TBC1D1: variants seen among roughly 807,000 people sequenced by gnomAD.
TBC1D1 encodes TBC1 domain family member 1, also known as TBC1 (tre-2/USP6, BUB2, cdc16) domain family, member 1.
Under a neutral mutation model 125.6 loss-of-function variants are expected in TBC1D1, and 89 were observed. The observed-to-expected ratio is 0.71, with a 90% confidence interval of 0.60 to 0.85. TBC1D1 has a LOEUF of 0.85. Ranked by LOEUF, TBC1D1 falls within the 40% of genes least tolerant of loss-of-function variation. TBC1D1 has a pLI of 0.00. For synonymous variants in TBC1D1, 565 were observed against 564.1 expected (o/e 1.00, Z -0.02); for missense variants, 1,377 against 1,469.2 (o/e 0.94, Z 1.03).
In TBC1D1 at chr4:38,045,812, T is replaced by C. The variant is rs1560682867; in HGVS notation, c.1543-5T>C. 2.5e-6 allele frequency: 4 copies of C among 1,613,510 alleles called. No homozygotes were observed. Among genetic ancestry groups the C allele is most frequent in the Non-Finnish European group, 3.4e-6 (4 of 1,179,444 alleles). Reference sequence around the variant, plus strand: ...TCATAACTCGACTGCCTTTTCTTTATGTAGGGTAATAAAGCCAGAGGCCTG... The same window carrying C: ...TCATAACTCGACTGCCTTTTCTTTACGTAGGGTAATAAAGCCAGAGGCCTG... On this transcript the variant is annotated splice_polypyrimidine_tract_variant and splice_region_variant and intron_variant, in intron 9 of 19. Transcript: ENST00000261439.
intron 7 of TBC1D1, among the ~76,000 whole-genome samples, chr4:38,031,652 TG>T (rs898514715): frequency 6.6e-5 from 10 of 151,608 alleles, no homozygotes; most frequent in Admixed American, 2.0e-4. Flanking sequence ...GGGCTCACTC[TG>T]TTACCCAGGC....
At chr4:37,939,242 A>G (rs1037956984) in intron 2 of TBC1D1, among the ~76,000 whole-genome samples, 2 of 152,156 alleles carry the variant, frequency 1.3e-5, no homozygotes, top group Admixed American at 6.5e-5. Flanking sequence ...ATGATATCTC[A>G]TTGTGGTTTT....
chr4:37,993,817 A>G (rs1447681471), intron 2 of TBC1D1, among the ~76,000 whole-genome samples: 1 of 152,184 alleles, frequency 6.6e-6, no homozygotes, highest in Non-Finnish European at 1.5e-5. Context: ...CCGGACCTCA[A>G]GTGATCCACC....
At chr4:38,056,807 C>T (rs557134530) in intron 12 of TBC1D1, among the ~76,000 whole-genome samples, 61 of 151,956 alleles carry the variant, frequency 4.0e-4, no homozygotes, top group Middle Eastern at 3.4e-3. Context: ...GACCTTGTCT[C>T]GCGGGGTGGG....
At chr4:37,903,851 A>C (rs185417589) in intron 2 of TBC1D1, among the ~76,000 whole-genome samples, 1 of 152,312 alleles carries the variant, frequency 6.6e-6, no homozygotes, top group African/African-American at 2.4e-5. Context: ...AGGGAGCCTA[A>C]CACACACCCA....
At chr4:37,944,483 C>T (rs571808607) in intron 2 of TBC1D1, among the ~76,000 whole-genome samples, 1 of 152,334 alleles carries the variant, frequency 6.6e-6, no homozygotes, top group East Asian at 1.9e-4. Context: ...TGGGCTCCAC[C>T]CAGTTCGAGC....
chr4:37,892,968 A>G (rs918771373), intron 1 of TBC1D1, among the ~76,000 whole-genome samples: 1 of 152,216 alleles, frequency 6.6e-6, no homozygotes, highest in African/African-American at 2.4e-5. Context: ...ATGCAGAGCC[A>G]GATGTGGGCG....
chr4:38,137,274 G>A lies in TBC1D1; in HGVS notation c.3446G>A (p.Arg1149Gln), dbSNP rs138981524. ...CAGACGGTGGAGGAGCTGCGGCGGCGGAGCGCAGAGCCCAGCGACCGGGAG... is the reference window on the plus strand; with the variant it reads ...CAGACGGTGGAGGAGCTGCGGCGGCAGAGCGCAGAGCCCAGCGACCGGGAG... Residue 1149 changes from arginine to glutamine, a missense_variant, in exon 20 of 20, where the codon CGG becomes CAG. Around this residue, in one of 3 missense-constraint regions of TBC1D1, gnomAD observed 543 missense variants for 613.5 expected, o/e 0.89. Coordinates refer to ENST00000261439, the MANE Select transcript of TBC1D1 (RefSeq NM_015173.4). The A allele has an allele frequency of 3.8e-5, 62 of 1,611,646 alleles. No homozygotes were observed. The highest frequency in any genetic ancestry group is 2.2e-4 in the Middle Eastern group (1 of 4,486).
At chr4:38,100,058 G>A (rs1056101662) in intron 14 of TBC1D1, among the ~76,000 whole-genome samples, 5 of 152,138 alleles carry the variant, frequency 3.3e-5, no homozygotes, top group African/African-American at 1.2e-4. Flanking sequence ...CATGCTGACT[G>A]TTTTCTAGCC....
intron 2 of TBC1D1, among the ~76,000 whole-genome samples, chr4:37,921,141 A>C (rs1385709039): frequency 6.8e-6 from 1 of 146,182 alleles, no homozygotes; most frequent in Non-Finnish European, 1.5e-5. Flanking sequence ...AAAAGAATGG[A>C]GACAAACGAC....
intron 12 of TBC1D1, among the ~76,000 whole-genome samples, chr4:38,071,429 CTT>C (rs888385135): frequency 6.6e-6 from 1 of 152,200 alleles, no homozygotes; most frequent in Non-Finnish European, 1.5e-5. Flanking sequence ...TTTTATATCT[CTT>C]TTTCGATATT....
rs7682421 is a variant in TBC1D1, at chr4:37,981,867, G to A, written c.418-32642G>A. The stretch of plus-strand genomic sequence containing the variant: ...ATGGAAGCAGAGGGACCACTTAGGA[G>A]GTGGTTTTGGTTCGGATAGGAGGTG... On this transcript the variant is annotated intron_variant, in intron 2 of 19. Coordinates refer to ENST00000261439, the MANE Select transcript of TBC1D1 (RefSeq NM_015173.4). Among the ~76,000 whole-genome samples, 1,016 of 152,278 alleles carry A rather than the reference G, an allele frequency of 6.7e-3. 4 individuals carry two copies. The highest frequency in any genetic ancestry group is 8.7e-3 in the Non-Finnish European group (591 of 68,028).
At chr4:38,068,728 G>A (rs533618224) in intron 12 of TBC1D1, among the ~76,000 whole-genome samples, 1 of 152,300 alleles carries the variant, frequency 6.6e-6, no homozygotes, top group East Asian at 1.9e-4. Flanking sequence ...AGCCACATGT[G>A]GCTACCGTAT....
intron 15 of TBC1D1, among the ~76,000 whole-genome samples, chr4:38,107,317 T>C (rs1761482724): frequency 6.6e-6 from 1 of 152,158 alleles, no homozygotes; most frequent in South Asian, 2.1e-4. Context: ...CCCACTCCTC[T>C]CACCCAAGGC....
chr4:37,978,879 A>G (rs2152361807), intron 2 of TBC1D1, among the ~76,000 whole-genome samples: 1 of 152,030 alleles, frequency 6.6e-6, no homozygotes, highest in Non-Finnish European at 1.5e-5. Flanking sequence ...TTGTTATTTC[A>G]AAATTATTAT....
chr4:37,974,872 AC>A (rs976074381), intron 2 of TBC1D1, among the ~76,000 whole-genome samples: 6 of 152,186 alleles, frequency 3.9e-5, no homozygotes, highest in Non-Finnish European at 8.8e-5. Context: ...CTATGCCTTT[AC>A]GGTTTTATCT....
chr4:38,080,089 C>A (rs1018925495), intron 12 of TBC1D1, among the ~76,000 whole-genome samples: 1 of 152,306 alleles, frequency 6.6e-6, no homozygotes, highest in Middle Eastern at 3.4e-3. Flanking sequence ...GGCTGAAGCT[C>A]GTGTGGGGAC....
At chr4:37,932,523 G>A (rs1329500237) in intron 2 of TBC1D1, among the ~76,000 whole-genome samples, 1 of 152,148 alleles carries the variant, frequency 6.6e-6, no homozygotes, top group Admixed American at 6.5e-5. Flanking sequence ...CATTAAATAT[G>A]TAGTTATTAT....
At chr4:38,038,363 T>C (rs953701977) in intron 8 of TBC1D1, among the ~76,000 whole-genome samples, 1 of 152,222 alleles carries the variant, frequency 6.6e-6, no homozygotes, top group African/African-American at 2.4e-5. Context: ...AGCACTCATA[T>C]ACCCACCATC....
Sources: gnomAD v4.1 joint callset for allele counts (sites outside exome capture counted in the v4.1 genomes callset) on GRCh38, gnomAD v4.1.1 for gene constraint, gnomAD v4.1.1 regional missense constraint, MANE v1.5 for transcripts, NCBI Gene and HGNC (gene_info 2026-07-23, HGNC 2026-07-21) for gene names.